The following GAB2 variants were observed in gnomAD, a reference collection of about 807,000 sequenced individuals.
The protein encoded by GAB2 is GRB2 associated binding protein 2, also known as GRB2-associated-binding protein 2.
GAB2 carries 26 observed loss-of-function variants against 65.5 expected under a neutral mutation model. The observed-to-expected ratio is 0.40, with a 90% CI of 0.29 to 0.55. The LOEUF (loss-of-function observed/expected upper bound fraction) is 0.55. Among genes scored for constraint, GAB2 ranks in the 20% least tolerant of loss-of-function variants. The probability of loss-of-function intolerance (pLI) is 0.53; values close to 1 mark genes in which losing one functional copy is unlikely to be tolerated. For missense variants in GAB2, 884 were observed against 875.8 expected, an observed-to-expected ratio of 1.01 and a Z score of -0.12; for synonymous variants, 321 against 329.6, an observed-to-expected ratio of 0.97 and a Z score of 0.28.
intron 2 of GAB2, among the ~76,000 whole-genome samples, chr11:78,261,081 G>C (rs1486546238): frequency 6.6e-6 from 1 of 151,842 alleles, no homozygotes; most frequent in East Asian, 1.9e-4. Context: ...ATATATATGT[G>C]TGTGTGTATA....
chr11:78,292,029 T>TGAGAGA (rs1554984350), intron 1 of GAB2, among the ~76,000 whole-genome samples: 5,463 of 105,896 alleles, frequency 0.052, 125 homozygotes, highest in African/African-American at 0.057. Flanking sequence ...TGTGTGTGTG[T>TGAGAGA]GAGAGAGAGA....
At position 78,417,637 on chromosome 11, in the gene GAB2, C is replaced by T. The variant is rs1485232372; in HGVS notation, c.75+9G>A. The T allele has an allele frequency of 1.8e-5, 24 of 1,358,082 alleles. No homozygotes were observed. Among genetic ancestry groups the T allele is most frequent in the Non-Finnish European group, 2.2e-5 (23 of 1,030,496 alleles). The allele number at this position is 1,358,082 out of a possible 1,614,324, so 84.1% of individuals were successfully genotyped here. A position where few individuals can be genotyped will look rare whatever the true frequency, so the allele number is the denominator to read the frequency against. ...CCGCCCGCCCCTGGGCGGCCGCGCC[C>T]GCACTCACATAGCGCCTCAACTTCT... On this transcript the variant is annotated intron_variant, in intron 1 of 9. Coordinates refer to ENST00000361507, the MANE Select transcript of GAB2 (RefSeq NM_080491.3).
At chr11:78,253,420 T>C (rs1267843415) in intron 2 of GAB2, among the ~76,000 whole-genome samples, 3 of 152,164 alleles carry the variant, frequency 2.0e-5, no homozygotes, top group Admixed American at 2.0e-4. Context: ...GCCTCCGGAA[T>C]AGCCAGGAAT....
At chr11:78,251,878 C>T (rs1035280783) in intron 2 of GAB2, among the ~76,000 whole-genome samples, 9 of 152,176 alleles carry the variant, frequency 5.9e-5, no homozygotes, top group African/African-American at 2.2e-4. Context: ...CAGCATTTAC[C>T]TAATAAAGGC....
At chr11:78,275,212 G>A (rs1335615475) in intron 2 of GAB2, among the ~76,000 whole-genome samples, 1 of 152,182 alleles carries the variant, frequency 6.6e-6, no homozygotes, top group African/African-American at 2.4e-5. Flanking sequence ...TAAGAGTTGG[G>A]TAGCCCTTCT....
intron 1 of GAB2, among the ~76,000 whole-genome samples, chr11:78,304,631 GT>G (rs1179886910): frequency 7.9e-5 from 12 of 152,192 alleles, no homozygotes; most frequent in African/African-American, 2.4e-4. Context: ...GTTATTAAAA[GT>G]TTTTAATTCC....
intron 3 of GAB2, among the ~76,000 whole-genome samples, chr11:78,243,782 T>C (rs1308483073): frequency 6.6e-6 from 1 of 152,044 alleles, no homozygotes; most frequent in East Asian, 1.9e-4. Flanking sequence ...AGGCGGAGGT[T>C]GTAGTGAGCT....
At chr11:78,326,637 T>C (rs568923334) in intron 1 of GAB2, among the ~76,000 whole-genome samples, 85 of 152,332 alleles carry the variant, frequency 5.6e-4, no homozygotes, top group African/African-American at 1.9e-3. Flanking sequence ...TTGTGTGTGG[T>C]GTCTGCATTC....
chr11:78,257,585 G>A (rs2510032), intron 2 of GAB2, among the ~76,000 whole-genome samples: 2 of 152,002 alleles, frequency 1.3e-5, no homozygotes, highest in African/African-American at 4.8e-5. Flanking sequence ...CATGGAGCTG[G>A]TTGAGACCTT....
chr11:78,215,397 A>G lies in GAB2; in HGVS notation c.*3875T>C, dbSNP rs377097791. 64 of 152,750 alleles carry G rather than the reference A, an allele frequency of 4.2e-4. 1 individual carries two copies. Among genetic ancestry groups the G allele is most frequent in the African/African-American group, 1.4e-3 (60 of 41,542 alleles). The allele number at this position is 152,750 out of a possible 1,614,324, so 9.5% of individuals were successfully genotyped here. On this transcript the variant is annotated 3_prime_UTR_variant, in exon 10 of 10. Coordinates refer to ENST00000361507, the MANE Select transcript of GAB2 (RefSeq NM_080491.3). ...TACCATGTGTCACCACAGCAAAAACATGACCCACTTGAACACACTCCTGTC... is the reference window on the plus strand; with the variant it reads ...TACCATGTGTCACCACAGCAAAAACGTGACCCACTTGAACACACTCCTGTC...
chr11:78,407,921 G>C (rs1476884391), intron 1 of GAB2, among the ~76,000 whole-genome samples: 2 of 152,160 alleles, frequency 1.3e-5, no homozygotes, highest in African/African-American at 2.4e-5. Flanking sequence ...AAGAAAAGAA[G>C]TGTCAACTAA....
chr11:78,233,198 C>T (rs1042883928), intron 3 of GAB2, among the ~76,000 whole-genome samples: 2 of 152,150 alleles, frequency 1.3e-5, no homozygotes, highest in Admixed American at 6.5e-5. Flanking sequence ...TGCCACCATG[C>T]CTGGCTAATT....
intron 1 of GAB2, among the ~76,000 whole-genome samples, chr11:78,372,322 A>G (rs778952580): frequency 1.3e-5 from 2 of 152,194 alleles, no homozygotes; most frequent in African/African-American, 2.4e-5. Flanking sequence ...GACCTCTGGA[A>G]CAGATGTGAA....
intron 3 of GAB2, among the ~76,000 whole-genome samples, chr11:78,227,997 T>C (rs1478373370): frequency 6.6e-6 from 1 of 152,170 alleles, no homozygotes; most frequent in African/African-American, 2.4e-5. Flanking sequence ...TAGTACATTT[T>C]TAAATTTAGG....
chr11:78,405,095 T>G (rs1021845931), intron 1 of GAB2, among the ~76,000 whole-genome samples: 1 of 133,190 alleles, frequency 7.5e-6, no homozygotes, highest in African/African-American at 3.2e-5. Context: ...ACATGGATTT[T>G]TTTTTTTTTT....
intron 1 of GAB2, among the ~76,000 whole-genome samples, chr11:78,405,258 C>T (rs1268015278): frequency 5.3e-5 from 8 of 151,990 alleles, no homozygotes; most frequent in Non-Finnish European, 1.0e-4. Flanking sequence ...GCCACCACAC[C>T]CGGCTAATTT....
intron 1 of GAB2, among the ~76,000 whole-genome samples, chr11:78,309,926 A>ATGTGTGTGTGTGTGTGTGTGTGTGTG (rs60718900): frequency 5.9e-5 from 8 of 135,696 alleles, no homozygotes; most frequent in African/African-American, 2.4e-4. Context: ...AGGGTTAGAA[A>ATGTGTGTGTGTGTGTGTGTGTGTGTG]TGTGTGTGTG....
At chr11:78,370,252 G>A (rs1181173606) in intron 1 of GAB2, among the ~76,000 whole-genome samples, 1 of 53,276 alleles carries the variant, frequency 1.9e-5, no homozygotes, top group Non-Finnish European at 3.9e-5. Context: ...GCGAGACTCC[G>A]TCTCAAAAAA....
chr11:78,273,511 G>C (rs1866079041), intron 2 of GAB2, among the ~76,000 whole-genome samples: 1 of 152,224 alleles, frequency 6.6e-6, no homozygotes, highest in East Asian at 1.9e-4. Flanking sequence ...ATTTAGAATG[G>C]CTGTATTTAC....
Sources: allele counts gnomAD v4.1 joint callset (sites outside exome capture counted in the v4.1 genomes callset), GRCh38; gene constraint gnomAD v4.1.1; transcripts MANE v1.5; gene names NCBI Gene and HGNC (gene_info 2026-07-23, HGNC 2026-07-21).